PCDHGA5: variants seen among roughly 807,000 people sequenced by gnomAD.
PCDHGA5 encodes protocadherin gamma-A5.
A neutral mutation model predicts 56.7 loss-of-function variants in PCDHGA5; 36 were observed. The ratio of observed to expected loss-of-function variants is 0.64; its 90% CI spans 0.49 to 0.84. The LOEUF (loss-of-function observed/expected upper bound fraction) is 0.84, where lower values mean the gene tolerates loss of function less well. PCDHGA5 is among the 40% of genes least tolerant of loss of function. PCDHGA5 has a pLI of 0.00. For synonymous variants in PCDHGA5, 563 were observed against 520.2 expected (o/e 1.08, Z -1.12); for missense variants, 1,305 against 1,201.5 (o/e 1.09, Z -1.27).
intron 1 of PCDHGA5, chr5:141,468,401 C>G (rs943048252): frequency 6.7e-6 from 1 of 149,126 alleles, no homozygotes; most frequent in Non-Finnish European, 1.5e-5. Flanking sequence ...TTGGTGAGAA[C>G]TAATAATAAG....
At chr5:141,502,710 C>T (rs2099815750) in intron 2 of PCDHGA5, among the ~76,000 whole-genome samples, 1 of 152,168 alleles carries the variant, frequency 6.6e-6, no homozygotes, top group South Asian at 2.1e-4. Context: ...GTTTTTACAT[C>T]AGTGATTACA....
intron 1 of PCDHGA5, chr5:141,478,142 G>A: frequency 3.7e-6 from 6 of 1,613,988 alleles, no homozygotes; most frequent in Non-Finnish European, 4.2e-6. Flanking sequence ...AGCCCGAGCC[G>A]AGTTCCCCTC....
chr5:141,383,826 T>C, intron 1 of PCDHGA5: 1 of 1,613,966 alleles, frequency 6.2e-7, no homozygotes, highest in Non-Finnish European at 8.5e-7. Flanking sequence ...GATTAGATTA[T>C]GAAGAAACTG....
chr5:141,371,872 C>T (rs1206900205), intron 1 of PCDHGA5: 3 of 1,613,534 alleles, frequency 1.9e-6, no homozygotes, highest in East Asian at 2.2e-5. Flanking sequence ...TACATCGTGG[C>T]CAGTGACCTG....
In PCDHGA5 at chr5:141,365,977, C is replaced by A. The variant is rs1374916355; in HGVS notation, c.1647C>A (p.Ser549Arg). ...CACTTAGCAGCAACGTGTCGCTGAG[C>A]CTGTTTGTGCTGGACCAGAACGACA... ...NPPLSSNVSL[S>R]LFVLDQNDNT... The change falls in exon 1 of 4, where the codon AGC becomes AGA. Residue 549 changes from serine (S) to arginine (R), a missense_variant. Transcript: ENST00000518069. The A allele has an allele frequency of 3.1e-6, 5 of 1,614,110 alleles. No homozygotes were observed. The highest frequency in any genetic ancestry group is 2.7e-5 in the African/African-American group (2 of 74,924).
At chr5:141,427,411 A>C (rs1256606726) in intron 1 of PCDHGA5, 2 of 464,124 alleles carry the variant, frequency 4.3e-6, no homozygotes, top group Admixed American at 2.3e-5. Flanking sequence ...GATTCGAGAG[A>C]AAATGGGGAG....
At chr5:141,373,976 G>T (rs1357062991) in intron 1 of PCDHGA5, 1 of 1,066,506 alleles carries the variant, frequency 9.4e-7, no homozygotes, top group Non-Finnish European at 1.3e-6. Context: ...CTTCGCATCC[G>T]GTCTCTGCTT....
In PCDHGA5 at chr5:141,485,580, A is replaced by C. The variant is rs761157560; in HGVS notation, c.2422-9227A>C. The C allele has an allele frequency of 6.2e-7, 1 of 1,612,610 alleles. No homozygotes were observed. The highest frequency in any genetic ancestry group is 2.2e-5 in the East Asian group (1 of 44,850). ...GATCACGCCCCCCGTTTTCCGCGGCAGCAGCTGGACTTGGAAATTGGGGAG... is the reference window on the plus strand; with the variant it reads ...GATCACGCCCCCCGTTTTCCGCGGCCGCAGCTGGACTTGGAAATTGGGGAG... On this transcript the variant is annotated intron_variant, in intron 1 of 3. Transcript: ENST00000518069. The surrounding 1 kb of genome is among the most constrained non-coding windows in gnomAD (Gnocchi z 5.7).
intron 1 of PCDHGA5, chr5:141,400,391 C>T (rs1468153713): frequency 1.2e-6 from 2 of 1,614,076 alleles, no homozygotes; most frequent in Non-Finnish European, 1.7e-6. Flanking sequence ...GTTGCACATA[C>T]AGGAAAGACG....
chr5:141,483,814 C>A (rs1262593892), intron 1 of PCDHGA5, among the ~76,000 whole-genome samples: 4 of 151,994 alleles, frequency 2.6e-5, no homozygotes, highest in African/African-American at 9.7e-5. Flanking sequence ...TTTTTGGCAG[C>A]CAGTGTAACC....
intron 1 of PCDHGA5, chr5:141,418,464 G>A: frequency 3.7e-6 from 6 of 1,614,010 alleles, no homozygotes; most frequent in Non-Finnish European, 5.1e-6. Flanking sequence ...ACTCTGGACC[G>A]AGAAACGCAG....
At chr5:141,401,278 G>A (rs1355696847) in intron 1 of PCDHGA5, among the ~76,000 whole-genome samples, 4 of 152,160 alleles carry the variant, frequency 2.6e-5, no homozygotes, top group African/African-American at 9.7e-5. Context: ...GCAGGTGGAG[G>A]TTGCGGTGAG....
chr5:141,509,638 A>G (rs1204228233), intron 3 of PCDHGA5, among the ~76,000 whole-genome samples: 1 of 152,174 alleles, frequency 6.6e-6, no homozygotes, highest in Admixed American at 6.5e-5. Flanking sequence ...ATGCTGAGCC[A>G]GGGCCAGAGT....
intron 1 of PCDHGA5, chr5:141,385,593 C>A: frequency 8.1e-7 from 1 of 1,235,054 alleles, no homozygotes; most frequent in African/African-American, 1.6e-5. Flanking sequence ...TTCCAACCTA[C>A]TTTCTTAACT....
intron 1 of PCDHGA5, chr5:141,422,812 T>C: frequency 6.2e-7 from 1 of 1,614,206 alleles, no homozygotes; most frequent in South Asian, 1.1e-5. Context: ...GTTTCGAGAC[T>C]TAGAACTGAG....
chr5:141,390,386 A>C, intron 1 of PCDHGA5: 2 of 1,432,848 alleles, frequency 1.4e-6, no homozygotes, highest in Non-Finnish European at 1.9e-6. Context: ...TTTAGATGTC[A>C]TGGATCATTT....
intron 1 of PCDHGA5, chr5:141,404,380 C>T (rs777340976): frequency 1.9e-6 from 3 of 1,613,916 alleles, no homozygotes; most frequent in Non-Finnish European, 2.5e-6. Context: ...CCGTGATTGC[C>T]TATGACCCTG....
chr5:141,423,011 T>C, intron 1 of PCDHGA5: 4 of 1,614,186 alleles, frequency 2.5e-6, no homozygotes, highest in Non-Finnish European at 3.4e-6. Flanking sequence ...GTGGTTGCGG[T>C]GGACAAAGAT....
At position 141,486,257 on chromosome 5, in the gene PCDHGA5, A is replaced by C; in HGVS notation, c.2422-8550A>C. 6.2e-7 allele frequency: 1 copy of C among 1,614,032 alleles called. No individual in the cohort carries two copies. The highest frequency in any genetic ancestry group is 8.5e-7 in the Non-Finnish European group (1 of 1,179,982). On this transcript the variant is annotated intron_variant, in intron 1 of 3. Transcript: ENST00000518069. The surrounding 1 kb of genome is among the most constrained non-coding windows in gnomAD (Gnocchi z 5.0). ...CTCAGAGCTTGGAACCCTCCCCGAG[A>C]GTGCAGAACCTGGCACTGTGGTGGC... is the stretch of plus-strand genomic sequence containing the variant.
Sources: gnomAD v4.1 joint callset for allele counts (sites outside exome capture counted in the v4.1 genomes callset) on GRCh38, gnomAD v4.1.1 for gene constraint, Gnocchi (gnomAD v3.1) non-coding constraint, MANE v1.5 for transcripts, NCBI Gene and HGNC (gene_info 2026-07-23, HGNC 2026-07-21) for gene names.